The following SORCS3 variants were observed in gnomAD, a reference collection of about 807,000 sequenced individuals.
SORCS3 encodes sortilin related VPS10 domain containing receptor 3.
In SORCS3, 57 loss-of-function variants were observed where a neutral mutation model predicts 146.3. The observed-to-expected ratio is 0.39, with a 90% CI of 0.31 to 0.49. The LOEUF is 0.49. Among genes scored for constraint, SORCS3 ranks in the 20% least tolerant of loss-of-function variants. SORCS3 has a pLI of 0.92. For synonymous variants in SORCS3, 653 were observed against 618.5 expected, an observed-to-expected ratio of 1.06 and a Z score of -0.83; for missense variants, 1,341 against 1,575.5, an observed-to-expected ratio of 0.85 and a Z score of 2.52.
intron 1 of SORCS3, among the ~76,000 whole-genome samples, chr10:104,774,359 T>G (rs1461281640): frequency 1.3e-5 from 2 of 152,144 alleles, no homozygotes; most frequent in Non-Finnish European, 2.9e-5. Flanking sequence ...TCCCCATGCC[T>G]CAGAGGTATT....
chr10:104,876,654 A>T (rs115081372), intron 2 of SORCS3, among the ~76,000 whole-genome samples: 252 of 151,622 alleles, frequency 1.7e-3, no homozygotes, highest in African/African-American at 5.9e-3. Flanking sequence ...AAAACTCCAC[A>T]CCATTGTCAG....
intron 1 of SORCS3, among the ~76,000 whole-genome samples, chr10:104,741,044 C>A (rs909600822): frequency 1.3e-5 from 2 of 151,848 alleles, no homozygotes; most frequent in African/African-American, 4.8e-5. Context: ...TCATTGTAAC[C>A]TTGAACTCTT....
chr10:105,169,071 A>G (rs1018788506), intron 13 of SORCS3, among the ~76,000 whole-genome samples: 1 of 152,120 alleles, frequency 6.6e-6, no homozygotes, highest in Non-Finnish European at 1.5e-5. Flanking sequence ...TACATGAATT[A>G]TCTCATTTAA....
chr10:105,023,790 G>A (rs1363829873), intron 4 of SORCS3, among the ~76,000 whole-genome samples: 1 of 152,064 alleles, frequency 6.6e-6, no homozygotes, highest in East Asian at 1.9e-4. Context: ...ATCAGTCCAA[G>A]GCGTCTCTGT....
intron 17 of SORCS3, among the ~76,000 whole-genome samples, chr10:105,213,007 A>C (rs1415085246): frequency 1.3e-5 from 2 of 152,208 alleles, no homozygotes; most frequent in African/African-American, 4.8e-5. Context: ...TGTTTTCTTT[A>C]ACCCAAAATT....
At chr10:104,649,010 A>G (rs1589446327) in intron 1 of SORCS3, among the ~76,000 whole-genome samples, 1 of 152,048 alleles carries the variant, frequency 6.6e-6, no homozygotes, top group Non-Finnish European at 1.5e-5. Context: ...AAGAGAAAAA[A>G]CCTTCTTTAG....
intron 1 of SORCS3, among the ~76,000 whole-genome samples, chr10:104,678,276 G>A (rs933032774): frequency 6.6e-6 from 1 of 152,098 alleles, no homozygotes; most frequent in Non-Finnish European, 1.5e-5. Context: ...ACTAGACCCA[G>A]TTCACACAAG....
chr10:105,046,368 A>G (rs1018121657), intron 5 of SORCS3, among the ~76,000 whole-genome samples: 3 of 152,122 alleles, frequency 2.0e-5, no homozygotes, highest in Non-Finnish European at 2.9e-5. Context: ...TAGATCCTTC[A>G]TGAGTGTCCG....
chr10:104,657,038 G>A (rs1223139088), intron 1 of SORCS3, among the ~76,000 whole-genome samples: 1 of 152,130 alleles, frequency 6.6e-6, no homozygotes, highest in African/African-American at 2.4e-5. Flanking sequence ...GACTTGCTTT[G>A]GCCAATAGAG....
chr10:104,714,489 T>G (rs896836047), intron 1 of SORCS3, among the ~76,000 whole-genome samples: 9 of 152,236 alleles, frequency 5.9e-5, no homozygotes, highest in Non-Finnish European at 1.2e-4. Context: ...TTTAAAAACT[T>G]GTCTTCATTT....
chr10:105,153,270 C>T (rs2119483537), intron 9 of SORCS3, among the ~76,000 whole-genome samples: 1 of 152,174 alleles, frequency 6.6e-6, no homozygotes, highest in East Asian at 1.9e-4. Context: ...TTGAGATTCA[C>T]CCACATTGTT....
intron 16 of SORCS3, among the ~76,000 whole-genome samples, chr10:105,204,984 T>C (rs1475645196): frequency 6.6e-6 from 1 of 152,218 alleles, no homozygotes; most frequent in Admixed American, 6.5e-5. Flanking sequence ...CCCTTCTCAA[T>C]GGTCCTCTCT....
intron 3 of SORCS3, among the ~76,000 whole-genome samples, chr10:104,969,387 A>G (rs1026303064): frequency 1.3e-5 from 2 of 151,750 alleles, no homozygotes; most frequent in African/African-American, 2.4e-5. Flanking sequence ...TGAGGCAATT[A>G]GAGGAGTAAT....
At chr10:104,958,715 A>G (rs1397999335) in intron 3 of SORCS3, among the ~76,000 whole-genome samples, 2 of 152,164 alleles carry the variant, frequency 1.3e-5, no homozygotes, top group African/African-American at 4.8e-5. Flanking sequence ...AACTACCAGT[A>G]ATTTATAAAT....
intron 2 of SORCS3, among the ~76,000 whole-genome samples, chr10:104,882,745 T>G (rs2018643840): frequency 6.6e-6 from 1 of 152,202 alleles, no homozygotes; most frequent in African/African-American, 2.4e-5. Flanking sequence ...TCCTCTTGCT[T>G]ATTCCCATCT....
intron 1 of SORCS3, among the ~76,000 whole-genome samples, chr10:104,805,816 T>G (rs934305875): frequency 3.3e-5 from 5 of 152,180 alleles, no homozygotes; most frequent in Non-Finnish European, 5.9e-5. Context: ...TCTTCATACC[T>G]CACACTCTCT....
At chr10:104,696,124 TATATC>T (rs1322199679) in intron 1 of SORCS3, among the ~76,000 whole-genome samples, 20 of 111,926 alleles carry the variant, frequency 1.8e-4, no homozygotes, top group Admixed American at 5.7e-4. Flanking sequence ...ATATATAATA[TATATC>T]ATATACACAT....
intron 2 of SORCS3, among the ~76,000 whole-genome samples, chr10:104,870,229 A>G (rs1183409740): frequency 2.0e-5 from 3 of 152,158 alleles, no homozygotes; most frequent in Admixed American, 1.3e-4. Context: ...TCTTTCTTTC[A>G]TTAGTGGTTT....
intron 4 of SORCS3, among the ~76,000 whole-genome samples, chr10:104,980,676 T>G (rs1311837400): frequency 1.3e-5 from 2 of 152,172 alleles, no homozygotes; most frequent in African/African-American, 4.8e-5. Context: ...TTTGATGAAA[T>G]GCACTAGAAA....
Sources: allele counts gnomAD v4.1 joint callset (sites outside exome capture counted in the v4.1 genomes callset), GRCh38; gene constraint gnomAD v4.1.1; transcripts MANE v1.5; gene names NCBI Gene and HGNC (gene_info 2026-07-23, HGNC 2026-07-21).